Variants in ATP6V0A1 observed in about 807,000 individuals in gnomAD.
The protein encoded by ATP6V0A1 is ATPase H+ transporting V0 subunit a1.
Under a neutral mutation model 105.4 loss-of-function variants are expected in ATP6V0A1, and 43 were observed. The ratio of observed to expected loss-of-function variants is 0.41; its 90% CI spans 0.32 to 0.53. The LOEUF is 0.53. Among genes scored for constraint, ATP6V0A1 ranks in the 20% least tolerant of loss-of-function variants. The pLI, the probability that ATP6V0A1 is intolerant of heterozygous loss-of-function variation, is 0.30. For synonymous variants in ATP6V0A1, 362 were observed against 372.8 expected (o/e 0.97, Z 0.33); for missense variants, 676 against 1,051.1 (o/e 0.64, Z 4.93).
chr17:42,491,525 C>G (rs568901067), intron 11 of ATP6V0A1, among the ~76,000 whole-genome samples: 1 of 152,072 alleles, frequency 6.6e-6, no homozygotes, highest in South Asian at 2.1e-4. Flanking sequence ...CTCTCGTTGC[C>G]CAGGCTGGAG....
At chr17:42,484,334 G>A (rs2089885253) in intron 9 of ATP6V0A1, among the ~76,000 whole-genome samples, 1 of 152,114 alleles carries the variant, frequency 6.6e-6, no homozygotes, top group Non-Finnish European at 1.5e-5. Flanking sequence ...TGGGATTATA[G>A]GTGTGAGCCA....
intron 11 of ATP6V0A1, among the ~76,000 whole-genome samples, 186 bp from the exon 12 acceptor site, chr17:42,494,148 C>T (rs1174356959): frequency 6.6e-6 from 1 of 151,320 alleles, no homozygotes; most frequent in Non-Finnish European, 1.5e-5. Context: ...GAGGCTGAGG[C>T]AGGAGAATCA....
rs191626965 is a variant in ATP6V0A1, at chr17:42,473,846, C to A, written c.423+3628C>A. 6.6e-4 allele frequency among the ~76,000 whole-genome samples: 100 copies of A among 152,148 alleles called. 1 individual carries two copies. The highest frequency in any genetic ancestry group is 2.3e-3 in the African/African-American group (95 of 41,506). ...TTAGTAAAAATGAAAATAAGAGGAA[C>A]CACTTGGAAAAATGATATTTTAAAA... On this transcript the variant is annotated intron_variant, in intron 5 of 21. Coordinates refer to ENST00000343619, the MANE Select transcript of ATP6V0A1 (RefSeq NM_001130021.3).
At chr17:42,484,859 T>C (rs1222441067) in intron 9 of ATP6V0A1, among the ~76,000 whole-genome samples, 1 of 150,628 alleles carries the variant, frequency 6.6e-6, no homozygotes, top group East Asian at 1.9e-4. Flanking sequence ...TTTCTTTTTT[T>C]TTTTTTTTGA....
In ATP6V0A1 at chr17:42,470,381, A is replaced by G. The variant is rs926114004; in HGVS notation, c.423+163A>G. On this transcript the variant is annotated intron_variant, in intron 5 of 21. Transcript: ENST00000343619. ...AATGTGAGATTATGTTCCATTTTTC[A>G]TGCAGTACACAACCAGCCATGGTTT... 4.8e-6 allele frequency: 4 copies of G among 837,146 alleles called. No individual in the cohort carries two copies. In the African/African-American group the frequency reaches 6.9e-5, roughly 14 times the overall value. 51.9% of individuals were successfully genotyped at this position (837,146 alleles called of 1,614,324 possible).
intron 5 of ATP6V0A1, among the ~76,000 whole-genome samples, chr17:42,471,862 C>T (rs1222751972): frequency 6.6e-6 from 1 of 152,102 alleles, no homozygotes; most frequent in African/African-American, 2.4e-5. Context: ...TAGCTTTCAA[C>T]TTGGATGTGG....
intron 11 of ATP6V0A1, 78 bp from the exon 12 acceptor site, chr17:42,494,256 A>G: frequency 7.2e-7 from 1 of 1,395,400 alleles, no homozygotes; most frequent in Non-Finnish European, 9.7e-7. Flanking sequence ...GGGGGTGGGT[A>G]TGGAAAAGAA....
intron 9 of ATP6V0A1, among the ~76,000 whole-genome samples, chr17:42,483,375 AG>A (rs1267351428): frequency 6.6e-6 from 1 of 152,100 alleles, no homozygotes; most frequent in Non-Finnish European, 1.5e-5. Flanking sequence ...GTTGTTGCCT[AG>A]CATATTCAAT....
chr17:42,467,303 G>A (rs995981708), intron 3 of ATP6V0A1, among the ~76,000 whole-genome samples: 19 of 152,302 alleles, frequency 1.2e-4, no homozygotes, highest in African/African-American at 4.1e-4. Flanking sequence ...GAGGCTTAAT[G>A]ACTTGCCCTA....
At chr17:42,507,460 C>T (rs1176697924) in intron 17 of ATP6V0A1, 60 bp from the exon 18 acceptor site, 1 of 1,256,352 alleles carries the variant, frequency 8.0e-7, no homozygotes, top group Admixed American at 1.9e-5. Flanking sequence ...GCCCTTCCCA[C>T]CTCACAGAAT....
At chr17:42,520,835 C>A (rs1366014416) in intron 21 of ATP6V0A1, 192 bp from the exon 22 acceptor site, 1 of 592,428 alleles carries the variant, frequency 1.7e-6, no homozygotes, top group Non-Finnish European at 3.0e-6. Context: ...AAATCCCTTC[C>A]TCCGTGCGTC....
At chr17:42,486,699 G>T (rs576504242) in intron 9 of ATP6V0A1, among the ~76,000 whole-genome samples, 1 of 151,982 alleles carries the variant, frequency 6.6e-6, no homozygotes, top group Admixed American at 6.6e-5. Context: ...GTGTAGGCTG[G>T]TGGTGGTATT....
At chr17:42,517,259 G>A (rs534607222) in intron 21 of ATP6V0A1, among the ~76,000 whole-genome samples, 61 of 152,156 alleles carry the variant, frequency 4.0e-4, no homozygotes, top group Non-Finnish European at 7.4e-4. Context: ...CAACCTGGGC[G>A]ACAGACCGAG....
chr17:42,513,412 T>C (rs1265126939), intron 19 of ATP6V0A1: 1 of 162,268 alleles, frequency 6.2e-6, no homozygotes, highest in Non-Finnish European at 1.4e-5. Context: ...GTTGAGAGTC[T>C]GTCTCCTGAA....
intron 14 of ATP6V0A1, among the ~76,000 whole-genome samples, chr17:42,497,401 G>A (rs1038762530): frequency 2.6e-5 from 4 of 151,736 alleles, no homozygotes; most frequent in African/African-American, 4.8e-5. Context: ...AGCTGGGCAC[G>A]GTGGCTCACA....
At chr17:42,508,459 G>T in intron 18 of ATP6V0A1, 113 bp from the exon 19 acceptor site, 1 of 1,380,566 alleles carries the variant, frequency 7.2e-7, no homozygotes, top group South Asian at 1.2e-5. Context: ...CAACGTGCTA[G>T]CCCATTTAAC....
chr17:42,481,746 G>A (rs1191799184), intron 8 of ATP6V0A1, among the ~76,000 whole-genome samples: 1 of 152,132 alleles, frequency 6.6e-6, no homozygotes, highest in African/African-American at 2.4e-5. Flanking sequence ...AACTCTTAAG[G>A]ACTCATGGTT....
At chr17:42,461,490 C>A (rs1265892613) in intron 2 of ATP6V0A1, among the ~76,000 whole-genome samples, 1 of 152,090 alleles carries the variant, frequency 6.6e-6, no homozygotes, top group Non-Finnish European at 1.5e-5. Flanking sequence ...TATGGACAAT[C>A]TAGCCTGGGT....
rs1352925869 is a variant in ATP6V0A1 at position 42,487,377 on chromosome 17, C to T, written c.1023+10C>T. 1.2e-6 allele frequency: 2 copies of T among 1,611,988 alleles called. No individual in the cohort carries two copies. The highest frequency in any genetic ancestry group is 1.7e-6 in the Non-Finnish European group (2 of 1,178,872). ...ACTCAGAAGGGGCACGGTGAGTCCC[C>T]AAAGCTAACAATGCAGCTCGTGGCC... On this transcript the variant is annotated intron_variant, in intron 10 of 21. Transcript: ENST00000343619.
Sources: gnomAD v4.1 joint callset for allele counts (sites outside exome capture counted in the v4.1 genomes callset) on GRCh38, gnomAD v4.1.1 for gene constraint, MANE v1.5 for transcripts, NCBI Gene and HGNC (gene_info 2026-07-23, HGNC 2026-07-21) for gene names.